The following DNAJC6 variants were observed in gnomAD, a reference collection of about 807,000 sequenced individuals.
The protein encoded by DNAJC6 is DnaJ heat shock protein family (Hsp40) member C6.
DNAJC6 carries 34 observed loss-of-function variants against 110.0 expected under a neutral mutation model. The ratio of observed to expected loss-of-function variants is 0.31; its 90% confidence interval spans 0.24 to 0.41. The LOEUF is 0.41. Ranked by LOEUF, DNAJC6 falls within the 10% of genes least tolerant of loss-of-function variation. The pLI, the probability that DNAJC6 is intolerant of heterozygous loss-of-function variation, is 1.00. For synonymous variants in DNAJC6, 406 were observed against 437.2 expected, an observed-to-expected ratio of 0.93 and a Z score of 0.89; for missense variants, 1,031 against 1,207.8, an observed-to-expected ratio of 0.85 and a Z score of 2.17.
upstream of DNAJC6, among the ~76,000 whole-genome samples, chr1:65,305,996 A>G (rs796961471): frequency 2.4e-4 from 37 of 152,212 alleles, no homozygotes; most frequent in African/African-American, 8.7e-4. Context: ...GAGAAAAATG[A>G]GGCAGAGAGG....
intron 1 of DNAJC6, among the ~76,000 whole-genome samples, chr1:65,310,463 A>C (rs1394112986): frequency 6.6e-6 from 1 of 152,234 alleles, no homozygotes; most frequent in East Asian, 1.9e-4. Context: ...GCCGTCTGCT[A>C]GGGTTAATGT....
intron 13 of DNAJC6, among the ~76,000 whole-genome samples, chr1:65,395,859 T>C (rs148433673): frequency 6.6e-4 from 100 of 152,262 alleles, no homozygotes; most frequent in Non-Finnish European, 1.3e-3. Flanking sequence ...TAGGTAACAT[T>C]GATTAAAACC....
At chr1:65,388,241 A>T in intron 8 of DNAJC6, 95 bp from the exon 9 acceptor site, 1 of 1,035,014 alleles carries the variant, frequency 9.7e-7, no homozygotes, top group Non-Finnish European at 1.5e-6. Flanking sequence ...AGATATTGAA[A>T]CAGTTGAAGG....
Position 65,364,617 on chromosome 1 carries a change from T to TGG in DNAJC6, c.194-18_194-17insGG, listed in dbSNP as rs746871477. ...CCATCACCATTTTTGTTTGTTTGTT[T>TGG]TTTTTTTTTTTTGGCAGGTGCCTCA... On this transcript the variant is annotated splice_polypyrimidine_tract_variant and intron_variant, in intron 1 of 18. Coordinates refer to ENST00000371069, the MANE Select transcript of DNAJC6 (RefSeq NM_001256864.2). 8 of 1,235,844 alleles carry TGG rather than the reference T, an allele frequency of 6.5e-6. No individual in the cohort carries two copies. The highest frequency in any genetic ancestry group is 8.7e-6 in the Non-Finnish European group (8 of 916,916). The allele number at this position is 1,235,844 out of a possible 1,614,324, so 76.6% of individuals were successfully genotyped here.
intron 1 of DNAJC6, among the ~76,000 whole-genome samples, chr1:65,292,110 A>G (rs1298300925): frequency 1.3e-5 from 2 of 152,024 alleles, no homozygotes; most frequent in East Asian, 1.9e-4. Flanking sequence ...TCTGCCTCCC[A>G]GGTTCAAGGA....
chr1:65,355,085 C>T (rs919635067), intron 1 of DNAJC6, among the ~76,000 whole-genome samples: 23 of 151,600 alleles, frequency 1.5e-4, no homozygotes, highest in Admixed American at 3.9e-4. Flanking sequence ...GAGAACATGG[C>T]GAAACCCCGT....
chr1:65,279,809 C>T (rs1478261673), intron 1 of DNAJC6: 3 of 152,256 alleles, frequency 2.0e-5, no homozygotes, highest in Admixed American at 6.5e-5. Flanking sequence ...CCAGAGCATC[C>T]TGTGTTTTCC....
intron 1 of DNAJC6, among the ~76,000 whole-genome samples, chr1:65,302,117 TA>T (rs1203958943): frequency 5.1e-5 from 7 of 138,428 alleles, no homozygotes; most frequent in African/African-American, 1.1e-4. Flanking sequence ...AATATATATA[TA>T]TATATAAAAA....
intron 4 of DNAJC6, among the ~76,000 whole-genome samples, chr1:65,377,076 T>C (rs1007144167): frequency 1.3e-5 from 2 of 152,244 alleles, no homozygotes; most frequent in African/African-American, 4.8e-5. Context: ...TTCTGTGTTT[T>C]TGAATTTGTA....
intron 7 of DNAJC6, 147 bp downstream of exon 7, chr1:65,386,053 T>C (rs1291509202): frequency 1.1e-6 from 1 of 869,958 alleles, no homozygotes; most frequent in Non-Finnish European, 1.7e-6. Flanking sequence ...GTGGTAATCA[T>C]AGAAAAGTAC....
chr1:65,410,969 A>T (rs1646122911), intron 17 of DNAJC6, among the ~76,000 whole-genome samples: 1 of 152,138 alleles, frequency 6.6e-6, no homozygotes, highest in South Asian at 2.1e-4. Flanking sequence ...ATTGAGTATA[A>T]CTCTGGGGGT....
At chr1:65,400,310 T>C (rs7524932) in intron 14 of DNAJC6, among the ~76,000 whole-genome samples, 67,555 of 152,186 alleles carry the variant, frequency 0.44, 15,743 homozygotes, top group Middle Eastern at 0.58. Flanking sequence ...TTTCCTCACA[T>C]GGTTATCATT....
intron 1 of DNAJC6, among the ~76,000 whole-genome samples, chr1:65,359,699 C>A (rs1211808593): frequency 1.3e-5 from 2 of 152,144 alleles, no homozygotes; most frequent in East Asian, 3.9e-4. Flanking sequence ...GTGGTGTTAA[C>A]CATCTGATGC....
intron 1 of DNAJC6, among the ~76,000 whole-genome samples, chr1:65,354,976 C>T (rs954293793): frequency 8.5e-5 from 13 of 152,120 alleles, no homozygotes; most frequent in African/African-American, 2.4e-4. Flanking sequence ...AGCAACTTCC[C>T]CATTAAATTG....
chr1:65,413,354 C>T lies in DNAJC6; in HGVS notation c.*329C>T. The T allele has an allele frequency of 4.5e-6, 1 of 222,322 alleles. No individual in the cohort carries two copies. The highest frequency in any genetic ancestry group is 5.3e-5 in the Admixed American group (1 of 18,764). The allele number at this position is 222,322 out of a possible 1,614,324, so 13.8% of individuals were successfully genotyped here. A position where few individuals can be genotyped will look rare whatever the true frequency, so the allele number is the denominator to read the frequency against. On this transcript the variant is annotated 3_prime_UTR_variant, in exon 19 of 19. Coordinates refer to ENST00000371069, the MANE Select transcript of DNAJC6 (RefSeq NM_001256864.2). ...GAGGCCACCACCCATGAAGGCATAA[C>T]ACCCATCACATTGTCTGAGAATAGG...
intron 1 of DNAJC6, among the ~76,000 whole-genome samples, chr1:65,267,108 G>C (rs1388323319): frequency 6.6e-6 from 1 of 152,062 alleles, no homozygotes; most frequent in East Asian, 1.9e-4. Flanking sequence ...TCTTGGCCAG[G>C]CTGGTCTCGA....
At chr1:65,365,858 G>A in intron 2 of DNAJC6, 27 bp from the exon 3 acceptor site, 2 of 1,609,570 alleles carry the variant, frequency 1.2e-6, no homozygotes, top group Non-Finnish European at 1.7e-6. Flanking sequence ...TCATTTTAAT[G>A]AGTGCCCATT....
chr1:65,275,553 T>G (rs1653642542), intron 1 of DNAJC6, among the ~76,000 whole-genome samples: 6 of 152,188 alleles, frequency 3.9e-5, no homozygotes, highest in Admixed American at 3.9e-4. Flanking sequence ...GTGGTTTTCT[T>G]TGTATTTATC....
intron 1 of DNAJC6, among the ~76,000 whole-genome samples, chr1:65,355,264 CAAAAAA>C (rs58338708): frequency 2.4e-5 from 2 of 84,230 alleles, no homozygotes. Context: ...CACCCTGTCT[CAAAAAA>C]AAAAAAAAAA....
Sources: allele counts gnomAD v4.1 joint callset (sites outside exome capture counted in the v4.1 genomes callset), GRCh38; gene constraint gnomAD v4.1.1; transcripts MANE v1.5; gene names NCBI Gene and HGNC (gene_info 2026-07-23, HGNC 2026-07-21).